QTMAN: variants seen among roughly 807,000 people sequenced by gnomAD.
The protein encoded by QTMAN is tRNA-queuosine alpha-mannosyltransferase.
the QTMAN span, among the ~76,000 whole-genome samples, chr2:144,031,054 A>G: frequency 3.9e-5 from 6 of 152,352 alleles, no homozygotes; most frequent in Non-Finnish European, 1.5e-5. Flanking sequence ...GACAAAGCTC[A>G]TAATGCTAAT....
the QTMAN span, among the ~76,000 whole-genome samples, chr2:144,115,278 T>G: frequency 3.9e-4 from 60 of 152,232 alleles, no homozygotes; most frequent in South Asian, 8.3e-3. Flanking sequence ...CTGAAATCTC[T>G]ACGGTGGTTG....
At chr2:144,093,431 G>C in the QTMAN span, among the ~76,000 whole-genome samples, 85 of 152,172 alleles carry the variant, frequency 5.6e-4, no homozygotes, top group Non-Finnish European at 9.6e-4. Flanking sequence ...ATCATCTTGG[G>C]AATTGGTGTT....
At chr2:144,129,992 A>C in the QTMAN span, among the ~76,000 whole-genome samples, 1 of 151,848 alleles carries the variant, frequency 6.6e-6, no homozygotes, top group Non-Finnish European at 1.5e-5. Flanking sequence ...TGGATTTGAG[A>C]CATCATTTAT....
the QTMAN span, among the ~76,000 whole-genome samples, chr2:143,962,237 A>G: frequency 6.6e-6 from 1 of 152,266 alleles, no homozygotes; most frequent in South Asian, 2.1e-4. Flanking sequence ...AACAATAGGA[A>G]GGAAAGAGAA....
chr2:143,968,079 A>C, the QTMAN span, among the ~76,000 whole-genome samples: 1 of 152,208 alleles, frequency 6.6e-6, no homozygotes, highest in East Asian at 1.9e-4. Context: ...TTCTAAGGGC[A>C]CAACCTGGAA....
At chr2:144,325,343 G>C in the QTMAN span, among the ~76,000 whole-genome samples, 1 of 152,072 alleles carries the variant, frequency 6.6e-6, no homozygotes, top group Non-Finnish European at 1.5e-5. Context: ...GGCAGTGCAG[G>C]GGAGAGATGA....
the QTMAN span, among the ~76,000 whole-genome samples, chr2:144,209,211 T>C: frequency 6.6e-6 from 1 of 152,228 alleles, no homozygotes; most frequent in African/African-American, 2.4e-5. Context: ...ACTGAACTCA[T>C]CTTCTAATGA....
chr2:144,218,338 A>G, the QTMAN span, among the ~76,000 whole-genome samples: 1 of 152,212 alleles, frequency 6.6e-6, no homozygotes, highest in Non-Finnish European at 1.5e-5. Context: ...TGCCATGGCA[A>G]AGCATCTTCC....
chr2:144,318,961 C>T, the QTMAN span, among the ~76,000 whole-genome samples: 1 of 152,290 alleles, frequency 6.6e-6, no homozygotes, highest in East Asian at 1.9e-4. Flanking sequence ...TAAGGACTCT[C>T]AACCAAATAA....
the QTMAN span, among the ~76,000 whole-genome samples, chr2:144,266,421 G>A: frequency 7.2e-5 from 11 of 152,164 alleles, no homozygotes; most frequent in African/African-American, 1.2e-4. Context: ...TTTAACTTCT[G>A]TAAGCCTCAA....
the QTMAN span, among the ~76,000 whole-genome samples, chr2:144,157,465 T>C: frequency 6.6e-6 from 1 of 152,016 alleles, no homozygotes; most frequent in Non-Finnish European, 1.5e-5. Context: ...CCTTTTTCTC[T>C]GCTTGTACAT....
the QTMAN span, among the ~76,000 whole-genome samples, chr2:144,169,482 C>T: frequency 6.6e-6 from 1 of 152,190 alleles, no homozygotes; most frequent in Non-Finnish European, 1.5e-5. Context: ...TTTCATCTTT[C>T]AGTACTTCAG....
the QTMAN span, among the ~76,000 whole-genome samples, chr2:144,058,129 G>T: frequency 2.5e-5 from 1 of 39,894 alleles, no homozygotes; most frequent in Non-Finnish European, 4.4e-5. Context: ...CCCCCACCCC[G>T]CTAAACACAC....
the QTMAN span, among the ~76,000 whole-genome samples, chr2:144,136,251 A>G: frequency 6.7e-6 from 1 of 149,172 alleles, no homozygotes; most frequent in Non-Finnish European, 1.5e-5. Flanking sequence ...ACTTGAGCCC[A>G]GGAGGTCAAG....
At chr2:144,324,576 A>C in the QTMAN span, among the ~76,000 whole-genome samples, 3 of 152,206 alleles carry the variant, frequency 2.0e-5, no homozygotes, top group Admixed American at 6.5e-5. Flanking sequence ...CAAAATCTGC[A>C]GTCACATTAC....
the QTMAN span, among the ~76,000 whole-genome samples, chr2:144,213,473 G>A: frequency 2.6e-5 from 4 of 152,156 alleles, no homozygotes; most frequent in South Asian, 2.1e-4. Context: ...CATATATGAC[G>A]TCAATTTAGT....
At chr2:144,161,786 T>C in the QTMAN span, among the ~76,000 whole-genome samples, 1 of 152,242 alleles carries the variant, frequency 6.6e-6, no homozygotes, top group South Asian at 2.1e-4. Context: ...GTAAAGAAAA[T>C]CACAGGCTAA....
the QTMAN span, among the ~76,000 whole-genome samples, chr2:144,013,569 T>C: frequency 6.6e-6 from 1 of 151,976 alleles, no homozygotes; most frequent in South Asian, 2.1e-4. Flanking sequence ...AGCAGGAGAA[T>C]CAGTGAAAAA....
At chr2:144,209,242 C>T in the QTMAN span, among the ~76,000 whole-genome samples, 3 of 152,276 alleles carry the variant, frequency 2.0e-5, 1 homozygote, top group South Asian at 6.2e-4. Flanking sequence ...TTCAAGAGTC[C>T]TTCATTTATA....
Sources: gnomAD v4.1 joint callset for allele counts (sites outside exome capture counted in the v4.1 genomes callset) on GRCh38, gnomAD v4.1.1 for gene constraint, MANE v1.5 for transcripts, NCBI Gene and HGNC (gene_info 2026-07-23, HGNC 2026-07-21) for gene names.